Variants in SHB observed in about 807,000 individuals in gnomAD.
The protein encoded by SHB is SH2 domain-containing adapter protein B.
A neutral mutation model predicts 52.3 loss-of-function variants in SHB; 20 were observed. The observed-to-expected ratio is 0.38, with a 90% CI of 0.27 to 0.56. SHB has a LOEUF of 0.56. SHB is among the 20% of genes least tolerant of loss of function. The pLI, the probability that SHB is intolerant of heterozygous loss-of-function variation, is 0.71. For synonymous variants in SHB, 397 were observed against 316.5 expected (o/e 1.25, Z -2.70); for missense variants, 825 against 723.3 (o/e 1.14, Z -1.61).
At chr9:37,985,628 C>T (rs1430949140) in intron 2 of SHB, among the ~76,000 whole-genome samples, 1 of 152,260 alleles carries the variant, frequency 6.6e-6, no homozygotes, top group East Asian at 1.9e-4. Flanking sequence ...ACTTAGGAGA[C>T]TGCTTTCTAA....
intron 2 of SHB, among the ~76,000 whole-genome samples, chr9:37,997,343 T>TA (rs1820958721): frequency 1.3e-5 from 2 of 152,190 alleles, no homozygotes; most frequent in African/African-American, 4.8e-5. Flanking sequence ...AGCCACTAGC[T>TA]AGTCCTCTCC....
At chr9:38,008,876 G>A (rs1476530047) in intron 2 of SHB, among the ~76,000 whole-genome samples, 1 of 152,216 alleles carries the variant, frequency 6.6e-6, no homozygotes, top group Non-Finnish European at 1.5e-5. Flanking sequence ...TTGGGGAGCA[G>A]AGCTGTGCAG....
At chr9:38,062,636 T>C (rs1158423772) in intron 1 of SHB, among the ~76,000 whole-genome samples, 2 of 152,130 alleles carry the variant, frequency 1.3e-5, no homozygotes, top group Non-Finnish European at 2.9e-5. Context: ...TAAGAAAGCC[T>C]AGCCAGGATC....
At chr9:38,062,549 TGGA>T (rs1368526743) in intron 1 of SHB, among the ~76,000 whole-genome samples, 2 of 152,098 alleles carry the variant, frequency 1.3e-5, no homozygotes. Context: ...GAACATGTGC[TGGA>T]GGAGGAGAGA....
At chr9:37,979,631 A>C (rs908535307) in intron 2 of SHB, among the ~76,000 whole-genome samples, 3 of 151,886 alleles carry the variant, frequency 2.0e-5, no homozygotes, top group African/African-American at 7.3e-5. Context: ...AAAAAAAAAA[A>C]ACAAAAAAAC....
At chr9:37,986,847 C>T (rs1820813513) in intron 2 of SHB, among the ~76,000 whole-genome samples, 1 of 152,214 alleles carries the variant, frequency 6.6e-6, no homozygotes, top group Admixed American at 6.5e-5. Context: ...GCAGCACACA[C>T]AGGCAGATGT....
At chr9:37,961,929 C>A in intron 3 of SHB, among the ~76,000 whole-genome samples, 1 of 152,186 alleles carries the variant, frequency 6.6e-6, no homozygotes, top group East Asian at 1.9e-4. Flanking sequence ...CATGGCCGAC[C>A]TGCAGCTAGC....
chr9:37,928,774 GT>G (rs1832279377), intron 5 of SHB, among the ~76,000 whole-genome samples: 1 of 152,234 alleles, frequency 6.6e-6, no homozygotes, highest in Non-Finnish European at 1.5e-5. Flanking sequence ...ATGTAAAGGT[GT>G]AAGACACAGA....
chr9:37,926,182 T>C (rs1175336295), intron 5 of SHB, among the ~76,000 whole-genome samples: 1 of 151,944 alleles, frequency 6.6e-6, no homozygotes, highest in Non-Finnish European at 1.5e-5. Context: ...AAATGGGTAG[T>C]TCCTGCCATA....
At chr9:38,041,446 G>C (rs1821575008) in intron 1 of SHB, among the ~76,000 whole-genome samples, 1 of 152,206 alleles carries the variant, frequency 6.6e-6, no homozygotes, top group African/African-American at 2.4e-5. Context: ...CGTTGGGACA[G>C]AGTTTTGCCA....
At chr9:37,927,190 G>C (rs1276394052) in intron 5 of SHB, among the ~76,000 whole-genome samples, 1 of 152,198 alleles carries the variant, frequency 6.6e-6, no homozygotes, top group African/African-American at 2.4e-5. Flanking sequence ...CGTGGGGCAG[G>C]GGGCATGGAG....
chr9:37,998,478 G>A (rs1418009157), intron 2 of SHB, among the ~76,000 whole-genome samples: 1 of 152,180 alleles, frequency 6.6e-6, no homozygotes, highest in Non-Finnish European at 1.5e-5. Context: ...TTAAAGACAG[G>A]GTCTGGCTCT....
At chr9:37,920,067 C>A in intron 5 of SHB, 63 bp from the exon 6 acceptor site, 1 of 1,322,608 alleles carries the variant, frequency 7.6e-7, no homozygotes, top group South Asian at 1.3e-5. Context: ...GGCCAAGGGT[C>A]TCCTCAGCTG....
intron 5 of SHB, among the ~76,000 whole-genome samples, chr9:37,934,708 TG>T (rs1367696475): frequency 6.6e-6 from 1 of 152,222 alleles, no homozygotes; most frequent in Admixed American, 6.5e-5. Flanking sequence ...GTCACGGTTC[TG>T]GGGGGCAAAT....
intron 2 of SHB, among the ~76,000 whole-genome samples, chr9:37,984,698 C>T (rs977093317): frequency 3.3e-5 from 5 of 152,124 alleles, no homozygotes; most frequent in African/African-American, 9.7e-5. Flanking sequence ...ATGAGCTCTG[C>T]GGGAGTGCCA....
At chr9:37,920,441 G>A (rs937701967) in intron 5 of SHB, among the ~76,000 whole-genome samples, 1 of 152,204 alleles carries the variant, frequency 6.6e-6, no homozygotes, top group African/African-American at 2.4e-5. Context: ...GTAGGGCAGG[G>A]GTCATCACCC....
rs888861974 is a variant in SHB, at chr9:38,018,537, G to GT, written c.718-2407dup. Among the ~76,000 whole-genome samples, 69 of 151,080 alleles carry GT rather than the reference G, an allele frequency of 4.6e-4. 1 individual carries two copies. Among genetic ancestry groups the GT allele is most frequent in the African/African-American group, 1.7e-3 (69 of 41,248 alleles). On this transcript the variant is annotated intron_variant, in intron 1 of 5. Transcript: ENST00000377707. ...AAAAAAAAAGTCTAGAATTCTGTTA[G>GT]TTTAAGAAGCAAATTGGAAAGTTCC...
intron 1 of SHB, among the ~76,000 whole-genome samples, chr9:38,066,758 C>CA (rs1389220972): frequency 2.0e-5 from 3 of 152,016 alleles, no homozygotes; most frequent in Admixed American, 6.5e-5. Flanking sequence ...TCCTGGCAAA[C>CA]AAAAAAGATC....
At chr9:38,062,624 C>T (rs138536262) in intron 1 of SHB, among the ~76,000 whole-genome samples, 1 of 152,260 alleles carries the variant, frequency 6.6e-6, no homozygotes, top group East Asian at 1.9e-4. Flanking sequence ...CCACCAAACA[C>T]GTAAGAAAGC....
Sources: allele counts gnomAD v4.1 joint callset (sites outside exome capture counted in the v4.1 genomes callset), GRCh38; gene constraint gnomAD v4.1.1; transcripts MANE v1.5; gene names NCBI Gene and HGNC (gene_info 2026-07-23, HGNC 2026-07-21).